PHRF1: variants seen among roughly 807,000 people sequenced by gnomAD.
The protein encoded by PHRF1 is PHD and RING finger domain-containing protein 1.
In PHRF1, 53 loss-of-function variants were observed where a neutral mutation model predicts 128.9. That is an observed-to-expected ratio of 0.41 (90% CI 0.33 to 0.52). The LOEUF (loss-of-function observed/expected upper bound fraction) is 0.52, where lower values mean the gene tolerates loss of function less well. Ranked by LOEUF, PHRF1 falls within the 20% of genes least tolerant of loss-of-function variation. The probability of loss-of-function intolerance (pLI) is 0.21; values close to 1 mark genes in which losing one functional copy is unlikely to be tolerated. For missense variants in PHRF1, 2,503 were observed against 2,284.5 expected, an observed-to-expected ratio of 1.10 and a Z score of -1.95; for synonymous variants, 1,178 against 980.6, an observed-to-expected ratio of 1.20 and a Z score of -3.76.
At chr11:595,394 A>G (rs907838146) in intron 6 of PHRF1, among the ~76,000 whole-genome samples, 11 of 152,236 alleles carry the variant, frequency 7.2e-5, no homozygotes, top group Non-Finnish European at 1.3e-4. Flanking sequence ...TTAAGTTACA[A>G]TCTAATTTAA....
chr11:603,692 A>G (rs1360321235), intron 10 of PHRF1, among the ~76,000 whole-genome samples: 1 of 149,036 alleles, frequency 6.7e-6, no homozygotes, highest in Non-Finnish European at 1.5e-5. Flanking sequence ...ATATAAACTC[A>G]TATAATACAT....
At chr11:577,153 C>T (rs1474920691) in intron 1 of PHRF1, among the ~76,000 whole-genome samples, 2 of 152,212 alleles carry the variant, frequency 1.3e-5, no homozygotes, top group African/African-American at 4.8e-5. Context: ...TTTCCTATTC[C>T]TTAACTCTTG....
chr11:595,950 TC>T (rs1855250504), intron 6 of PHRF1, among the ~76,000 whole-genome samples: 1 of 152,216 alleles, frequency 6.6e-6, no homozygotes. Flanking sequence ...CGGCTTCTCT[TC>T]CTGCATGCCT....
intron 6 of PHRF1, among the ~76,000 whole-genome samples, chr11:595,698 T>C (rs898237974): frequency 1.3e-5 from 2 of 152,268 alleles, no homozygotes; most frequent in African/African-American, 4.8e-5. Context: ...AGGGGCCTTC[T>C]GCTCGGGCCT....
In PHRF1 at chr11:611,927, G is replaced by A. The variant is rs913397255; in HGVS notation, c.*150G>A. On this transcript the variant is annotated 3_prime_UTR_variant, in exon 18 of 18. Transcript: ENST00000264555. Reference sequence around the variant, plus strand: ...GGAAATGGGGGGCATCACCATGCCTGCCGTCGGGTTCCTGCGCTGACACCT... The same window carrying A: ...GGAAATGGGGGGCATCACCATGCCTACCGTCGGGTTCCTGCGCTGACACCT... 1 of 1,306,000 alleles carries A rather than the reference G, an allele frequency of 7.7e-7. No individual in the cohort carries two copies. Among genetic ancestry groups the A allele is most frequent in the African/African-American group, 1.5e-5 (1 of 67,188 alleles). The allele number at this position is 1,306,000 out of a possible 1,614,324, so 80.9% of individuals were successfully genotyped here.
At chr11:602,194 C>A (rs904618621) in intron 10 of PHRF1, among the ~76,000 whole-genome samples, 9 of 152,170 alleles carry the variant, frequency 5.9e-5, no homozygotes, top group Non-Finnish European at 1.3e-4. Flanking sequence ...CGTTTGTTGT[C>A]CTAGGCCCTT....
chr11:588,565 G>A (rs1228510976), intron 4 of PHRF1, among the ~76,000 whole-genome samples: 1 of 151,916 alleles, frequency 6.6e-6, no homozygotes, highest in African/African-American at 2.4e-5. Context: ...TTTTAGTAGA[G>A]ACAGGGTTTC....
Position 609,641 on chromosome 11 carries a change from G to C in PHRF1, c.4185G>C (p.Arg1395=). Residue 1395 remains arginine, a synonymous_variant, in exon 14 of 18, where the codon CGG becomes CGC. Transcript: ENST00000264555. The part of the protein sequence containing the change: ...EEVVSQTPLL[R]SRALVKRVTW... ...TGGTTTCGCAGACCCCCCTGCTGCG[G>C]TCCAGAGCCCTGGTGAAGCGGGTCA... 1 of 1,575,696 alleles carries C rather than the reference G, an allele frequency of 6.3e-7. No homozygotes were observed. The highest frequency in any genetic ancestry group is 8.6e-7 in the Non-Finnish European group (1 of 1,162,846).
At chr11:605,839 C>A in intron 12 of PHRF1, 115 bp downstream of exon 12, 2 of 1,419,558 alleles carry the variant, frequency 1.4e-6, no homozygotes, top group Non-Finnish European at 1.8e-6. Context: ...GGCGTCAGCA[C>A]CTCCCCTCAG....
At chr11:579,864 T>C (rs781334156) in intron 1 of PHRF1, among the ~76,000 whole-genome samples, 14 of 152,266 alleles carry the variant, frequency 9.2e-5, no homozygotes, top group Non-Finnish European at 1.8e-4. Flanking sequence ...GGTTTTGCAC[T>C]GTCTTGTCAG....
Position 609,188 on chromosome 11 carries a change from T to G in PHRF1, c.3732T>G (p.Pro1244=). Reference sequence around the variant, plus strand: ...ACAAGGCCCCCCTGCAGGCTCCCCCTGTCCTGGAGGTGGCAGCTGAGTGTG... The same window carrying G: ...ACAAGGCCCCCCTGCAGGCTCCCCCGGTCCTGGAGGTGGCAGCTGAGTGTG... ...TADKAPLQAP[P]VLEVAAECEP... The change falls in exon 14 of 18, where the codon CCT becomes CCG. Residue 1244 remains proline (P), a synonymous_variant. Transcript: ENST00000264555. The G allele has an allele frequency of 6.2e-7, 1 of 1,607,724 alleles. No individual in the cohort carries two copies. The highest frequency in any genetic ancestry group is 8.5e-7 in the Non-Finnish European group (1 of 1,179,474).
chr11:598,310 G>A (rs1855419137), intron 8 of PHRF1, 63 bp from the exon 9 acceptor site: 3 of 1,552,034 alleles, frequency 1.9e-6, no homozygotes, highest in East Asian at 2.3e-5. Context: ...GCTCCATTTG[G>A]GGTCTGTGCT....
intron 9 of PHRF1, among the ~76,000 whole-genome samples, chr11:599,253 C>CTTTT (rs754658303): frequency 1.6e-3 from 163 of 104,978 alleles, no homozygotes; most frequent in African/African-American, 2.0e-3. Flanking sequence ...TTTTTCTTTT[C>CTTTT]TTTTTTTTTT....
chr11:604,871 C>T (rs556955246), intron 10 of PHRF1, among the ~76,000 whole-genome samples: 51 of 152,288 alleles, frequency 3.3e-4, no homozygotes, highest in Admixed American at 2.6e-3. Flanking sequence ...CTTAATGCTA[C>T]TACGACGTGA....
chr11:599,826 G>A (rs1465063224), intron 9 of PHRF1, among the ~76,000 whole-genome samples: 1 of 151,694 alleles, frequency 6.6e-6, no homozygotes, highest in South Asian at 2.1e-4. Context: ...GGGGCTCCGG[G>A]GGTCTCGGCG....
chr11:589,535 AG>A (rs1854796859), intron 4 of PHRF1, among the ~76,000 whole-genome samples: 1 of 151,496 alleles, frequency 6.6e-6, no homozygotes, highest in African/African-American at 2.4e-5. Flanking sequence ...AACCAGTCCC[AG>A]GGGTTTTGCA....
intron 10 of PHRF1, among the ~76,000 whole-genome samples, chr11:602,237 T>C (rs915606237): frequency 6.6e-6 from 1 of 152,208 alleles, no homozygotes. Flanking sequence ...ACATTTAATA[T>C]TCATTTTTAG....
At chr11:592,342 T>C (rs1855022020) in intron 5 of PHRF1, among the ~76,000 whole-genome samples, 2 of 152,334 alleles carry the variant, frequency 1.3e-5, no homozygotes, top group East Asian at 3.9e-4. Flanking sequence ...CATCATACTT[T>C]GTTTTCTGTT....
rs56004604 is a variant in PHRF1 at position 598,509 on chromosome 11, C to T, written c.1024+7C>T. 6.9e-6 allele frequency: 11 copies of T among 1,605,664 alleles called. No homozygotes were observed. In the Admixed American group the frequency reaches 1.5e-4, roughly 22 times the overall value. ...CGACGGAAGAGGAAGACAAGTAAGC[C>T]TGAAGGGATGGACTCTCCCGCCAGC... On this transcript the variant is annotated splice_region_variant and intron_variant, in intron 9 of 17. Coordinates refer to ENST00000264555, the MANE Select transcript of PHRF1 (RefSeq NM_001286581.2).
Sources: allele counts gnomAD v4.1 joint callset (sites outside exome capture counted in the v4.1 genomes callset), GRCh38; gene constraint gnomAD v4.1.1; transcripts MANE v1.5; gene names NCBI Gene and HGNC (gene_info 2026-07-23, HGNC 2026-07-21).